BRWD1: variants seen among roughly 807,000 people sequenced by gnomAD.
BRWD1 encodes bromodomain and WD repeat domain containing 1.
A neutral mutation model predicts 251.2 loss-of-function variants in BRWD1; 82 were observed. That is an observed-to-expected ratio of 0.33 (90% CI 0.27 to 0.39). The LOEUF (loss-of-function observed/expected upper bound fraction) is 0.39. BRWD1 is among the 10% of genes least tolerant of loss of function. The pLI, the probability that BRWD1 is intolerant of heterozygous loss-of-function variation, is 1.00. For synonymous variants in BRWD1, 918 were observed against 902.8 expected, an observed-to-expected ratio of 1.02 and a Z score of -0.30; for missense variants, 2,233 against 2,711.6, an observed-to-expected ratio of 0.82 and a Z score of 3.92.
At chr21:39,259,276 C>T (rs145759225) in intron 17 of BRWD1, among the ~76,000 whole-genome samples, 96 of 152,212 alleles carry the variant, frequency 6.3e-4, no homozygotes, top group African/African-American at 2.3e-3. Flanking sequence ...AGCTACTACC[C>T]ATAATTCTTA....
chr21:39,314,313 G>A (rs115796978), upstream of BRWD1: 1 of 455,964 alleles, frequency 2.2e-6, no homozygotes, highest in Non-Finnish European at 4.4e-6. Flanking sequence ...CAAGCCAGCA[G>A]CCCGGCAGAA....
chr21:39,255,327 G>A (rs1452193420), intron 19 of BRWD1, among the ~76,000 whole-genome samples: 10 of 151,886 alleles, frequency 6.6e-5, no homozygotes, highest in Admixed American at 6.6e-4. Flanking sequence ...CAGGAGAATC[G>A]CTTGATCCCG....
At position 39,262,793 on chromosome 21, in the gene BRWD1, G is replaced by C. The variant is rs193165814; in HGVS notation, c.1885+1667C>G. 1.5e-4 allele frequency among the ~76,000 whole-genome samples: 23 copies of C among 152,302 alleles called. No homozygotes were observed. The East Asian group carries it at 4.0e-3, about 27-fold the overall frequency. On this transcript the variant is annotated intron_variant, in intron 17 of 40. Transcript: ENST00000342449. ...AGAAAATGTAACACTGATTACAAGG[G>C]ACTGGGAGAAAGGAGAGGACTGACT...
At position 39,304,115 on chromosome 21, in the gene BRWD1, T is replaced by G. The variant is rs187093080; in HGVS notation, c.199-5533A>C. The stretch of plus-strand genomic sequence containing the variant: ...GAGATTTCGCCATTGCACTCCAGCC[T>G]GGGCAACCAGAGTGAAACTCTTTCT... On this transcript the variant is annotated intron_variant, in intron 4 of 40. Coordinates refer to ENST00000342449, the MANE Select transcript of BRWD1 (RefSeq NM_033656.4). Among the ~76,000 whole-genome samples, 332 of 130,120 alleles carry G rather than the reference T, an allele frequency of 2.6e-3. 1 individual carries two copies. Among genetic ancestry groups the G allele is most frequent in the African/African-American group, 9.3e-3 (310 of 33,392 alleles). The allele number at this position is 130,120 out of a possible 152,430, so 85.4% of individuals were successfully genotyped here.
intron 4 of BRWD1, 200 bp downstream of exon 4, chr21:39,312,641 A>C (rs543889465): frequency 2.4e-6 from 1 of 408,938 alleles, no homozygotes; most frequent in East Asian, 4.4e-5. Flanking sequence ...GCCGCCCCCA[A>C]TGACTGTTTC....
At chr21:39,281,894 GT>G (rs1458266492) in intron 8 of BRWD1, among the ~76,000 whole-genome samples, 6 of 14,400 alleles carry the variant, frequency 4.2e-4, no homozygotes, top group African/African-American at 2.0e-3. Context: ...ATATATATAT[GT>G]ATGTATGTAT....
At chr21:39,232,119 G>A in intron 25 of BRWD1, 58 bp downstream of exon 25, 2 of 1,262,788 alleles carry the variant, frequency 1.6e-6, no homozygotes, top group South Asian at 1.3e-5. Context: ...AGATTTGTAA[G>A]TAATTTAACT....
Position 39,194,462 on chromosome 21 carries a change from G to A in BRWD1, c.*1797C>T. ...AAGGACAATTATCATGAATCAATCT[G>A]TTTACTATCTACTTAACACAAGTTC... is the stretch of plus-strand genomic sequence containing the variant. On this transcript the variant is annotated 3_prime_UTR_variant, in exon 41 of 41. Coordinates refer to ENST00000342449, the MANE Select transcript of BRWD1 (RefSeq NM_033656.4). 7.3e-7 allele frequency: 1 copy of A among 1,374,302 alleles called. No homozygotes were observed. The highest frequency in any genetic ancestry group is 9.4e-7 in the Non-Finnish European group (1 of 1,066,200). 85.1% of individuals were successfully genotyped at this position (1,374,302 alleles called of 1,614,324 possible). A position where few individuals can be genotyped will look rare whatever the true frequency, so the allele number is the denominator to read the frequency against.
At chr21:39,312,657 AAAAC>A (rs2036530606) in intron 4 of BRWD1, 180 bp downstream of exon 4, 2 of 416,886 alleles carry the variant, frequency 4.8e-6, no homozygotes, top group Non-Finnish European at 8.8e-6. Context: ...GTTTCCTGCC[AAAAC>A]AAACCTGGCC....
chr21:39,313,824 G>A (rs2036618341), upstream of BRWD1: 4 of 349,250 alleles, frequency 1.1e-5, no homozygotes, highest in Non-Finnish European at 2.1e-5. Flanking sequence ...AGACCTGGGC[G>A]CCGCAGCAGC....
chr21:39,253,896 A>C (rs2034478282), intron 19 of BRWD1, among the ~76,000 whole-genome samples: 1 of 152,228 alleles, frequency 6.6e-6, no homozygotes, highest in South Asian at 2.1e-4. Flanking sequence ...CACCAAGGAC[A>C]CTACTGCCCA....
At position 39,313,597 on chromosome 21, in the gene BRWD1, G is replaced by GCCC. The variant is rs1181617679; in HGVS notation, c.-107_-106insGGG. 1 of 838,248 alleles carries GCCC rather than the reference G, an allele frequency of 1.2e-6. No individual in the cohort carries two copies. Among genetic ancestry groups the GCCC allele is most frequent in the South Asian group, 4.3e-5 (1 of 23,004 alleles). The allele number at this position is 838,248 out of a possible 1,614,324, so 51.9% of individuals were successfully genotyped here. On this transcript the variant is annotated 5_prime_UTR_variant, in exon 1 of 41. Transcript: ENST00000342449. Reference sequence around the variant, plus strand: ...CCCCTCTTCTCAGGCGCGCGCCGCCGCCGCCGCCGCCGCCGCCATACCGTG... The same window carrying GCCC: ...CCCCTCTTCTCAGGCGCGCGCCGCCGCCCCCGCCGCCGCCGCCGCCATACCGTG...
chr21:39,238,629 C>A, intron 21 of BRWD1, 56 bp from the exon 22 acceptor site: 1 of 1,222,010 alleles, frequency 8.2e-7, no homozygotes, highest in Non-Finnish European at 1.2e-6. Flanking sequence ...CAACACATGT[C>A]CAGAAAAAAG....
rs1310050400 is a variant in BRWD1 at position 39,193,409 on chromosome 21, T to C, written c.*2850A>G. 6.1e-6 allele frequency: 6 copies of C among 984,632 alleles called. No homozygotes were observed. In the South Asian group the frequency reaches 1.4e-4, roughly 23 times the overall value. The allele number at this position is 984,632 out of a possible 1,614,324, so 61.0% of individuals were successfully genotyped here. On this transcript the variant is annotated 3_prime_UTR_variant, in exon 41 of 41. Coordinates refer to ENST00000342449, the MANE Select transcript of BRWD1 (RefSeq NM_033656.4). ...TACTTCACATTGTAAGTATACCTTT[T>C]TAAATAAGGAGGACACGAAAAAAGA...
At chr21:39,235,160 A>G (rs2033765130) in intron 23 of BRWD1, among the ~76,000 whole-genome samples, 1 of 152,172 alleles carries the variant, frequency 6.6e-6, no homozygotes. Flanking sequence ...GAGGCAGGAT[A>G]ATCACTTGAA....
At chr21:39,267,474 G>A (rs1313888856) in intron 15 of BRWD1, among the ~76,000 whole-genome samples, 3 of 152,100 alleles carry the variant, frequency 2.0e-5, no homozygotes, top group Admixed American at 6.6e-5. Flanking sequence ...TGGCAGGCGC[G>A]TGTAATCCCA....
At chr21:39,317,775 G>A (rs1374354948), upstream of BRWD1, among the ~76,000 whole-genome samples, 1 of 152,210 alleles carries the variant, frequency 6.6e-6, no homozygotes, top group Non-Finnish European at 1.5e-5. Context: ...ACTAGTCTGG[G>A]CGTAGTGGCT....
At chr21:39,293,383 C>T (rs956289811) in intron 8 of BRWD1, among the ~76,000 whole-genome samples, 4 of 151,652 alleles carry the variant, frequency 2.6e-5, no homozygotes, top group African/African-American at 4.9e-5. Flanking sequence ...ATTCTAGCTA[C>T]TCGGGAGGCT....
chr21:39,216,007 CA>C (rs1200426867), intron 31 of BRWD1, among the ~76,000 whole-genome samples: 3 of 151,512 alleles, frequency 2.0e-5, no homozygotes, highest in Non-Finnish European at 4.4e-5. Context: ...CAAAAACAAA[CA>C]AAAAAACAAA....
Sources: allele counts gnomAD v4.1 joint callset (sites outside exome capture counted in the v4.1 genomes callset), GRCh38; gene constraint gnomAD v4.1.1; transcripts MANE v1.5; gene names NCBI Gene and HGNC (gene_info 2026-07-23, HGNC 2026-07-21).